The following CASQ1 variants were observed in gnomAD, a reference collection of about 807,000 sequenced individuals.
CASQ1 encodes calsequestrin 1.
CASQ1 carries 40 observed loss-of-function variants against 49.5 expected under a neutral mutation model. The observed-to-expected ratio is 0.81, with a 90% CI of 0.63 to 1.05. The LOEUF (loss-of-function observed/expected upper bound fraction) is 1.05. Among genes scored for constraint, CASQ1 ranks in the 50% least tolerant of loss-of-function variants. The probability of loss-of-function intolerance (pLI) is 0.00; values close to 1 mark genes in which losing one functional copy is unlikely to be tolerated. For missense variants in CASQ1, 469 were observed against 486.9 expected (o/e 0.96, Z 0.35); for synonymous variants, 174 against 187.2 (o/e 0.93, Z 0.58).
intron 6 of CASQ1, among the ~76,000 whole-genome samples, chr1:160,197,223 G>A (rs1039352468): frequency 6.6e-6 from 1 of 152,202 alleles, no homozygotes; most frequent in African/African-American, 2.4e-5. Context: ...TGGTTCAACT[G>A]TATGTACCCA....
At chr1:160,191,166 C>T in intron 1 of CASQ1, 136 bp downstream of exon 1, 1 of 872,044 alleles carries the variant, frequency 1.1e-6, no homozygotes, top group Non-Finnish European at 1.7e-6. Flanking sequence ...TCCTGACCAA[C>T]AGGATGCAAG....
intron 1 of CASQ1, 109 bp downstream of exon 1, chr1:160,191,139 G>A (rs1654066899): frequency 2.5e-6 from 3 of 1,199,766 alleles, no homozygotes; most frequent in East Asian, 5.0e-5. Context: ...GTGAGGGGCA[G>A]TGTGGTAGGA....
In CASQ1 at chr1:160,193,851, AGGACTCCCCT is replaced by A. The variant is rs1654138512; in HGVS notation, c.465+9_465+18del. ...CATCGTGGAGTTTCTGCTTGATGTA[AGGACTCCCCT>A]GGACCTGACGGCCTTGCTTGAAAAC... On this transcript the variant is annotated splice_donor_5th_base_variant and intron_variant, in intron 3 of 10. Transcript: ENST00000368078. 6.2e-7 allele frequency: 1 copy of A among 1,604,328 alleles called. No individual in the cohort carries two copies. Among genetic ancestry groups the A allele is most frequent in the South Asian group, 1.1e-5 (1 of 90,878 alleles).
Position 160,195,078 on chromosome 1 carries a change from G to A in CASQ1, c.532G>A (p.Asp178Asn), listed in dbSNP as rs1268518553. 1 of 1,613,178 alleles carries A rather than the reference G, an allele frequency of 6.2e-7. No individual in the cohort carries two copies. The highest frequency in any genetic ancestry group is 1.3e-5 in the African/African-American group (1 of 74,890). The change falls in exon 4 of 11, where the codon GAT becomes AAT. Residue 178 changes from aspartate to asparagine, a missense_variant. Transcript: ENST00000368078. The stretch of plus-strand genomic sequence containing the variant: ...GCTGCAGGCGTTTGAGAATATTGAG[G>A]ATGAGATCAAACTCATTGGCTACTT... ...RELQAFENIE[D>N]EIKLIGYFKS...
chr1:160,195,166 C>CTGAG (rs757729913), intron 4 of CASQ1, 43 bp downstream of exon 4: 2 of 1,251,278 alleles, frequency 1.6e-6, no homozygotes, highest in African/African-American at 3.0e-5. Flanking sequence ...TCTGGATCCC[C>CTGAG]ATCTCACCTG....
At chr1:160,194,982 C>T (rs1426704421) in intron 3 of CASQ1, 30 bp from the exon 4 acceptor site, 1 of 1,394,490 alleles carries the variant, frequency 7.2e-7, no homozygotes. Context: ...AGGATAGAAA[C>T]TCTCTTCCTG....
chr1:160,191,182 T>A (rs1654067906), intron 1 of CASQ1, 152 bp downstream of exon 1: 2 of 777,476 alleles, frequency 2.6e-6, no homozygotes, highest in Non-Finnish European at 4.0e-6. Flanking sequence ...GCAAGTGGCA[T>A]GTGGCTTTAG....
chr1:160,197,602 G>GT lies in CASQ1; in HGVS notation c.817dup (p.Tyr273LeufsTer2). ...TGAGGAAACTGAAGCCGGAGAGTAT[G>GT]TATGAGACCTGGGTGAGTGCCCCTG... On this transcript the variant is annotated frameshift_variant, in exon 7 of 11. Transcript: ENST00000368078. LOFTEE classifies it high-confidence loss of function. 1 of 1,611,144 alleles carries GT rather than the reference G, an allele frequency of 6.2e-7. No individual in the cohort carries two copies. Among genetic ancestry groups the GT allele is most frequent in the Non-Finnish European group, 8.5e-7 (1 of 1,177,246 alleles).
chr1:160,195,627 T>TCCTACGTGCTGGCACTC, intron 5 of CASQ1, 93 bp downstream of exon 5: 1 of 1,157,070 alleles, frequency 8.6e-7, no homozygotes, highest in Admixed American at 1.8e-5. Flanking sequence ...CCTGGTCCCT[T>TCCTACGTGCTGGCACTC]CCTACGTGCT....
chr1:160,199,747 C>T (rs1019838627), intron 9 of CASQ1, 104 bp from the exon 10 acceptor site: 29 of 765,618 alleles, frequency 3.8e-5, no homozygotes, highest in Non-Finnish European at 6.1e-5. Flanking sequence ...ACTGCCAGTT[C>T]GCACTGTCCC....
intron 9 of CASQ1, among the ~76,000 whole-genome samples, chr1:160,199,517 T>C (rs1239230327): frequency 6.6e-6 from 1 of 152,192 alleles, no homozygotes. Flanking sequence ...TGCCTTATTT[T>C]AGAAATGTAA....
chr1:160,193,346 A>G (rs970518352), intron 2 of CASQ1, among the ~76,000 whole-genome samples: 2 of 152,168 alleles, frequency 1.3e-5, no homozygotes, highest in African/African-American at 4.8e-5. Context: ...TCATCTGGTC[A>G]GTAATAGCAA....
Position 160,195,095 on chromosome 1 carries a change from T to G in CASQ1, c.549T>G (p.Ile183Met). ...FENIEDEIKL[I>M]GYFKSKDSEH... ...ATATTGAGGATGAGATCAAACTCAT[T>G]GGCTACTTCAAGAGCAAAGACTCAG... Residue 183 changes from isoleucine (I) to methionine (M), a missense_variant, in exon 4 of 11, where the codon ATT becomes ATG. Coordinates refer to ENST00000368078, the MANE Select transcript of CASQ1 (RefSeq NM_001231.5). The G allele has an allele frequency of 6.2e-7, 1 of 1,612,162 alleles. No homozygotes were observed. The highest frequency in any genetic ancestry group is 8.5e-7 in the Non-Finnish European group (1 of 1,178,892).
At chr1:160,196,216 G>A (rs1380243872) in intron 6 of CASQ1, among the ~76,000 whole-genome samples, 189 bp downstream of exon 6, 1 of 150,986 alleles carries the variant, frequency 6.6e-6, no homozygotes, top group Non-Finnish European at 1.5e-5. Context: ...CCACTACTTA[G>A]CCCTGAGCCC....
At chr1:160,193,155 G>A (rs893670327) in intron 2 of CASQ1, among the ~76,000 whole-genome samples, 10 of 152,110 alleles carry the variant, frequency 6.6e-5, no homozygotes, top group African/African-American at 2.4e-4. Flanking sequence ...ACATGGCTAG[G>A]TGCTGGAGGG....
At chr1:160,196,514 A>G (rs564151732) in intron 6 of CASQ1, among the ~76,000 whole-genome samples, 3 of 145,076 alleles carry the variant, frequency 2.1e-5, no homozygotes, top group African/African-American at 5.2e-5. Flanking sequence ...GTCTTACTCT[A>G]TCCCCTAGGC....
intron 8 of CASQ1, 74 bp from the exon 9 acceptor site, chr1:160,198,879 C>T (rs1654304378): frequency 2.6e-6 from 3 of 1,152,650 alleles, no homozygotes; most frequent in Non-Finnish European, 2.6e-6. Flanking sequence ...AGGGAGGTAG[C>T]TCTGCACTCC....
chr1:160,195,658 CCCCCCG>C, intron 5 of CASQ1, 124 bp downstream of exon 5: 1 of 825,838 alleles, frequency 1.2e-6, no homozygotes, highest in Non-Finnish European at 2.0e-6. Flanking sequence ...ACCTGCCCCC[CCCCCCG>C]GCTCCTCCCA....
chr1:160,196,538 C>T (rs1329915050), intron 6 of CASQ1, among the ~76,000 whole-genome samples: 3 of 151,570 alleles, frequency 2.0e-5, no homozygotes, highest in Non-Finnish European at 2.9e-5. Context: ...AGCACAGTGG[C>T]GCCATCTTGG....
Sources: allele counts gnomAD v4.1 joint callset (sites outside exome capture counted in the v4.1 genomes callset), GRCh38; gene constraint gnomAD v4.1.1; transcripts MANE v1.5; gene names NCBI Gene and HGNC (gene_info 2026-07-23, HGNC 2026-07-21).